UQCC2: variants seen among roughly 807,000 people sequenced by gnomAD.
UQCC2 encodes the protein ubiquinol-cytochrome c reductase complex assembly factor 2.
A neutral mutation model predicts 19.9 loss-of-function variants in UQCC2; 21 were observed. The observed-to-expected ratio is 1.05, with a 90% confidence interval of 0.75 to 1.52. The LOEUF is 1.52. UQCC2 is among the 40% of genes most tolerant of loss of function. UQCC2 has a pLI of 0.00. For synonymous variants in UQCC2, 57 were observed against 60.9 expected (o/e 0.94, Z 0.30); for missense variants, 135 against 157.5 (o/e 0.86, Z 0.76).
At chr6:33,700,117 C>A (rs1462903485) in intron 3 of UQCC2, among the ~76,000 whole-genome samples, 1 of 152,192 alleles carries the variant, frequency 6.6e-6, no homozygotes, top group South Asian at 2.1e-4. Context: ...GTTTATAAAG[C>A]CCTCTTAAGA....
intron 1 of UQCC2, among the ~76,000 whole-genome samples, chr6:33,706,583 G>C (rs1003457015): frequency 6.6e-6 from 1 of 152,232 alleles, no homozygotes; most frequent in Non-Finnish European, 1.5e-5. Flanking sequence ...GGTGTGGCAG[G>C]AAAGGGCTGA....
chr6:33,706,529 G>A (rs1303863327), intron 1 of UQCC2, among the ~76,000 whole-genome samples: 1 of 152,228 alleles, frequency 6.6e-6, no homozygotes, highest in African/African-American at 2.4e-5. Context: ...GCCGCTGCAC[G>A]AGACCCGAGG....
chr6:33,707,999 G>A (rs1174604036), intron 1 of UQCC2, among the ~76,000 whole-genome samples: 1 of 152,268 alleles, frequency 6.6e-6, no homozygotes, highest in Non-Finnish European at 1.5e-5. Flanking sequence ...GCAATTTGAG[G>A]TGGAATAAAT....
Position 33,711,675 on chromosome 6 carries a change from G to C in UQCC2, c.12C>G (p.Ser4Arg), listed in dbSNP as rs928008544. The change falls in exon 1 of 4, where the codon AGC (serine) becomes AGG (arginine). Residue 4 changes from serine to arginine, a missense_variant. Physicochemically the swap from Ser to Arg is moderately radical, Grantham distance 110. Transcript: ENST00000607484. ...AGAGCTTAAGAAAACGCCGGTACCG[G>C]CTGGCCGCCATCTTGGGCCCCGCGT... The part of the protein sequence containing the change: MAA[S>R]RYRRFLKLCE... 6.2e-7 allele frequency: 1 copy of C among 1,609,564 alleles called. No homozygotes were observed. The highest frequency in any genetic ancestry group is 8.5e-7 in the Non-Finnish European group (1 of 1,178,656).
intron 1 of UQCC2, 84 bp downstream of exon 1, chr6:33,711,465 A>G: frequency 1.3e-6 from 2 of 1,493,332 alleles, no homozygotes; most frequent in Non-Finnish European, 1.8e-6. Flanking sequence ...GCGCATGCGC[A>G]GATCCCCCTG....
chr6:33,702,089 C>T (rs1765647585), intron 1 of UQCC2, among the ~76,000 whole-genome samples: 1 of 152,126 alleles, frequency 6.6e-6, no homozygotes, highest in African/African-American at 2.4e-5. Context: ...TCACTGCAAC[C>T]TCCGCCTCCT....
At chr6:33,702,960 C>G (rs1765657533) in intron 1 of UQCC2, among the ~76,000 whole-genome samples, 2 of 152,236 alleles carry the variant, frequency 1.3e-5, no homozygotes, top group Admixed American at 1.3e-4. Flanking sequence ...GTTCAGGCTA[C>G]TCATCATGAG....
intron 3 of UQCC2, 60 bp from the exon 4 acceptor site, chr6:33,697,810 T>G: frequency 7.1e-7 from 1 of 1,410,852 alleles, no homozygotes; most frequent in Non-Finnish European, 9.9e-7. Context: ...ATGACATAGA[T>G]TGGACCCACT....
At chr6:33,710,814 C>T (rs113268176) in intron 1 of UQCC2, among the ~76,000 whole-genome samples, 1 of 152,276 alleles carries the variant, frequency 6.6e-6, no homozygotes, top group African/African-American at 2.4e-5. Context: ...TAAATACGAG[C>T]TATATGAATG....
At position 33,711,534 on chromosome 6, in the gene UQCC2, C is replaced by T. The variant is rs936312561; in HGVS notation, c.138+15G>A. 1.9e-6 allele frequency: 3 copies of T among 1,590,880 alleles called. No individual in the cohort carries two copies. Among genetic ancestry groups the T allele is most frequent in the Non-Finnish European group, 2.6e-6 (3 of 1,168,976 alleles). On this transcript the variant is annotated intron_variant, in intron 1 of 3. Coordinates refer to ENST00000607484, the MANE Select transcript of UQCC2 (RefSeq NM_032340.4). Reference sequence around the variant, plus strand: ...CCTTTCCTCCCCTCGTCCCAGCCGCCTCCCCGCCGGTCACCTGGGTATTCT... The same window carrying T: ...CCTTTCCTCCCCTCGTCCCAGCCGCTTCCCCGCCGGTCACCTGGGTATTCT...
At chr6:33,703,929 A>G (rs1348976552) in intron 1 of UQCC2, among the ~76,000 whole-genome samples, 1 of 152,254 alleles carries the variant, frequency 6.6e-6, no homozygotes, top group Non-Finnish European at 1.5e-5. Flanking sequence ...ACAGTCATGT[A>G]TCTTTTAGTC....
In UQCC2 at chr6:33,697,448, A is replaced by T. The variant is rs747353129; in HGVS notation, c.*205T>A. 1.4e-4 allele frequency: 74 copies of T among 540,744 alleles called. No homozygotes were observed. The highest frequency in any genetic ancestry group is 1.5e-4 in the Non-Finnish European group (47 of 309,384). 33.5% of individuals were successfully genotyped at this position (540,744 alleles called of 1,614,324 possible). ...TTTCCTCTCCCCAGGAGATTTCCCT[A>T]CCCTGAGCAGCAGTCACAGCAGATA... is the stretch of plus-strand genomic sequence containing the variant. On this transcript the variant is annotated 3_prime_UTR_variant, in exon 4 of 4. Coordinates refer to ENST00000607484, the MANE Select transcript of UQCC2 (RefSeq NM_032340.4).
At chr6:33,711,450 GGC>G (rs1185210899) in intron 1 of UQCC2, 97 bp downstream of exon 1, 40 of 1,461,324 alleles carry the variant, frequency 2.7e-5, no homozygotes, top group Non-Finnish European at 1.8e-5. Context: ...CTGGAAAGAG[GGC>G]GCGCGCATGC....
At chr6:33,711,421 G>T in intron 1 of UQCC2, 128 bp downstream of exon 1, 5 of 1,339,770 alleles carry the variant, frequency 3.7e-6, no homozygotes, top group South Asian at 1.5e-5. Context: ...GAAAAAGGGG[G>T]TCCGCGCTCA....
At chr6:33,704,328 G>C (rs1259103260) in intron 1 of UQCC2, among the ~76,000 whole-genome samples, 1 of 152,226 alleles carries the variant, frequency 6.6e-6, no homozygotes, top group Non-Finnish European at 1.5e-5. Context: ...GAGGATGGGC[G>C]CATGTACCGG....
chr6:33,698,121 T>C (rs1435550955), intron 3 of UQCC2: 1 of 191,306 alleles, frequency 5.2e-6, no homozygotes, highest in African/African-American at 2.3e-5. Context: ...AAATTTGGCC[T>C]GCTCCACACA....
chr6:33,710,071 T>G (rs1332532005), intron 1 of UQCC2, among the ~76,000 whole-genome samples: 1 of 152,196 alleles, frequency 6.6e-6, no homozygotes, highest in Admixed American at 6.5e-5. Context: ...ATCTAGGTGC[T>G]ATCTTTGGTT....
chr6:33,709,566 A>G (rs1051210546), intron 1 of UQCC2, among the ~76,000 whole-genome samples: 2 of 152,190 alleles, frequency 1.3e-5, no homozygotes, highest in Non-Finnish European at 2.9e-5. Context: ...TTGGGACTAG[A>G]TAAGATTCTT....
intron 1 of UQCC2, among the ~76,000 whole-genome samples, chr6:33,711,152 C>T (rs1042091249): frequency 6.6e-6 from 1 of 152,186 alleles, no homozygotes; most frequent in Non-Finnish European, 1.5e-5. Context: ...GTCAAGACCC[C>T]ACCCCTAGAG....
Sources: allele counts gnomAD v4.1 joint callset (sites outside exome capture counted in the v4.1 genomes callset), GRCh38; gene constraint gnomAD v4.1.1; transcripts MANE v1.5; gene names NCBI Gene and HGNC (gene_info 2026-07-23, HGNC 2026-07-21).